KYAT3: variants seen among roughly 807,000 people sequenced by gnomAD.
KYAT3 encodes the protein kynurenine aminotransferase 3, also known as kynurenine--oxoglutarate transaminase 3.
Under a neutral mutation model 59.0 loss-of-function variants are expected in KYAT3, and 50 were observed. The ratio of observed to expected loss-of-function variants is 0.85; its 90% CI spans 0.68 to 1.07. The LOEUF (loss-of-function observed/expected upper bound fraction) is 1.07. KYAT3 is among the 50% of genes least tolerant of loss of function. The probability of loss-of-function intolerance (pLI) is 0.00; values close to 1 mark genes in which losing one functional copy is unlikely to be tolerated. For missense variants in KYAT3, 497 were observed against 533.3 expected (o/e 0.93, Z 0.67); for synonymous variants, 148 against 177.0 (o/e 0.84, Z 1.30).
chr1:88,956,216 A>G (rs1325921), intron 8 of KYAT3, among the ~76,000 whole-genome samples: 16,160 of 152,228 alleles, frequency 0.11, 924 homozygotes, highest in Middle Eastern at 0.19. Flanking sequence ...ACAATTGCTT[A>G]TAGTGTGAAT....
chr1:88,961,082 G>C, intron 8 of KYAT3, 85 bp downstream of exon 8: 1 of 1,378,260 alleles, frequency 7.3e-7, no homozygotes, highest in South Asian at 1.2e-5. Context: ...GACTGTTTTA[G>C]AGTTGGTCTG....
At position 88,955,140 on chromosome 1, in the gene KYAT3, T is replaced by A. The variant is rs757985849; in HGVS notation, c.864+9A>T. The A allele has an allele frequency of 6.4e-7, 1 of 1,564,680 alleles. No homozygotes were observed. Among genetic ancestry groups the A allele is most frequent in the South Asian group, 1.1e-5 (1 of 90,070 alleles). On this transcript the variant is annotated intron_variant, in intron 9 of 13. Transcript: ENST00000260508. Reference sequence around the variant, plus strand: ...TATTTTTAAGCAATTAAATTCTTACTCATCTTACCTTCCAGCCAGTTACAC... The same window carrying A: ...TATTTTTAAGCAATTAAATTCTTACACATCTTACCTTCCAGCCAGTTACAC...
At chr1:88,966,501 A>T (rs1368673187) in intron 4 of KYAT3, among the ~76,000 whole-genome samples, 2 of 152,168 alleles carry the variant, frequency 1.3e-5, no homozygotes, top group African/African-American at 4.8e-5. Context: ...AATAGTATTT[A>T]AAAAATTTTA....
chr1:88,925,054 C>A, the KYAT3 span, among the ~76,000 whole-genome samples: 1 of 152,172 alleles, frequency 6.6e-6, no homozygotes, highest in Non-Finnish European at 1.5e-5. Context: ...AAGGGACTTC[C>A]AAAGCGGTGA....
At chr1:88,948,360 C>T (rs1193177323) in intron 11 of KYAT3, among the ~76,000 whole-genome samples, 1 of 152,028 alleles carries the variant, frequency 6.6e-6, no homozygotes, top group Non-Finnish European at 1.5e-5. Context: ...AATTAGGCTT[C>T]AAGGTTTACT....
At position 88,957,384 on chromosome 1, in the gene KYAT3, C is replaced by T. The variant is rs79593028; in HGVS notation, c.788-2159G>A. Among the ~76,000 whole-genome samples, 582 of 152,202 alleles carry T rather than the reference C, an allele frequency of 3.8e-3. 1 individual carries two copies. Among genetic ancestry groups the T allele is most frequent in the African/African-American group, 0.013 (537 of 41,514 alleles). The stretch of plus-strand genomic sequence containing the variant: ...ATTTGATCAGAGAAAATCTAAACTA[C>T]GTATAATGCAGATTATCACTTCCTT... On this transcript the variant is annotated intron_variant, in intron 8 of 13. Coordinates refer to ENST00000260508, the MANE Select transcript of KYAT3 (RefSeq NM_001008661.3).
chr1:88,924,876 A>G, the KYAT3 span, among the ~76,000 whole-genome samples: 1 of 152,068 alleles, frequency 6.6e-6, no homozygotes, highest in Non-Finnish European at 1.5e-5. Flanking sequence ...CATGGCTTCT[A>G]ATAGAGCTAT....
chr1:88,989,975 T>C (rs1677691224), intron 1 of KYAT3, among the ~76,000 whole-genome samples: 1 of 152,168 alleles, frequency 6.6e-6, no homozygotes, highest in African/African-American at 2.4e-5. Flanking sequence ...CTACTATATT[T>C]TGTAGGTAAC....
chr1:88,980,353 T>C (rs556704746), intron 2 of KYAT3: 2 of 152,718 alleles, frequency 1.3e-5, no homozygotes, highest in South Asian at 4.1e-4. Flanking sequence ...AATCATGCCT[T>C]CTTTTCTCCC....
At position 88,968,665 on chromosome 1, in the gene KYAT3, CT is replaced by C; in HGVS notation, c.303+4del. On this transcript the variant is annotated splice_donor_region_variant and intron_variant, in intron 4 of 13. Coordinates refer to ENST00000260508, the MANE Select transcript of KYAT3 (RefSeq NM_001008661.3). ...TCATGGCCCATATGGTCTTGATATA[CT>C]TACAAAGCCTCGTGTATACTGATTC... 6.4e-7 allele frequency: 1 copy of C among 1,554,718 alleles called. No homozygotes were observed. The highest frequency in any genetic ancestry group is 8.6e-7 in the Non-Finnish European group (1 of 1,159,754).
Position 88,964,822 on chromosome 1 carries a change from T to A in KYAT3, c.453+7A>T. 6.3e-7 allele frequency: 1 copy of A among 1,580,668 alleles called. No individual in the cohort carries two copies. Among genetic ancestry groups the A allele is most frequent in the Non-Finnish European group, 8.6e-7 (1 of 1,162,628 alleles). ...TATGGGTATTACGATAATGTTAATATACTTACTTCATCTCCCTCATCAATT... is the reference window on the plus strand; with the variant it reads ...TATGGGTATTACGATAATGTTAATAAACTTACTTCATCTCCCTCATCAATT... On this transcript the variant is annotated splice_region_variant and intron_variant, in intron 5 of 13. Transcript: ENST00000260508.
chr1:88,942,623 T>C (rs1570773763), intron 13 of KYAT3, among the ~76,000 whole-genome samples: 1 of 151,988 alleles, frequency 6.6e-6, no homozygotes, highest in Non-Finnish European at 1.5e-5. Context: ...AGTGCAGTGG[T>C]GCGATCTCGG....
chr1:88,979,020 G>T (rs1676939630), intron 2 of KYAT3, among the ~76,000 whole-genome samples: 1 of 152,152 alleles, frequency 6.6e-6, no homozygotes, highest in Admixed American at 6.5e-5. Flanking sequence ...AGAGACAAGT[G>T]CATAAGATGC....
intron 2 of KYAT3, among the ~76,000 whole-genome samples, chr1:88,974,469 C>CTTTTTTTTT (rs71084932): frequency 2.9e-5 from 2 of 69,660 alleles, no homozygotes; most frequent in African/African-American, 6.5e-5. Context: ...GTGTCTCTCT[C>CTTTTTTTTT]TTTTTTTTTT....
chr1:88,949,512 T>C (rs902465082), intron 10 of KYAT3, among the ~76,000 whole-genome samples: 2 of 152,118 alleles, frequency 1.3e-5, no homozygotes, highest in African/African-American at 4.8e-5. Context: ...TCCTGAAAAT[T>C]CAAATTGAAA....
chr1:88,928,448 G>A, the KYAT3 span, among the ~76,000 whole-genome samples: 2 of 152,142 alleles, frequency 1.3e-5, no homozygotes, highest in Non-Finnish European at 1.5e-5. Flanking sequence ...CTCTGGAAAA[G>A]AGAAAAGCTG....
At chr1:88,931,567 G>T (rs560064827), downstream of KYAT3, among the ~76,000 whole-genome samples, 5 of 152,066 alleles carry the variant, frequency 3.3e-5, no homozygotes, top group South Asian at 4.2e-4. Context: ...TGTTGAGAGG[G>T]GGGACTGAGA....
chr1:88,991,983 GTT>G (rs10638041), intron 1 of KYAT3, among the ~76,000 whole-genome samples: 6 of 144,826 alleles, frequency 4.1e-5, no homozygotes, highest in East Asian at 2.0e-4. Context: ...TATTCTTTTG[GTT>G]TTTTTTTTTT....
At chr1:88,953,566 A>G (rs1191790557) in intron 9 of KYAT3, among the ~76,000 whole-genome samples, 3 of 134,334 alleles carry the variant, frequency 2.2e-5, no homozygotes, top group Non-Finnish European at 4.9e-5. Flanking sequence ...AAAAAAAAAA[A>G]GTTCACACTA....
Sources: gnomAD v4.1 joint callset for allele counts (sites outside exome capture counted in the v4.1 genomes callset) on GRCh38, gnomAD v4.1.1 for gene constraint, MANE v1.5 for transcripts, NCBI Gene and HGNC (gene_info 2026-07-23, HGNC 2026-07-21) for gene names.